FAM13A: variants seen among roughly 807,000 people sequenced by gnomAD.
FAM13A encodes protein FAM13A.
Under a neutral mutation model 129.6 loss-of-function variants are expected in FAM13A, and 76 were observed. The observed-to-expected ratio is 0.59, with a 90% CI of 0.49 to 0.71. The LOEUF is 0.71. Ranked by LOEUF, FAM13A falls within the 30% of genes least tolerant of loss-of-function variation. FAM13A has a pLI of 0.00. For missense variants in FAM13A, 1,108 were observed against 1,249.3 expected, an observed-to-expected ratio of 0.89 and a Z score of 1.70; for synonymous variants, 443 against 449.9, an observed-to-expected ratio of 0.98 and a Z score of 0.20.
chr4:88,829,040 T>C (rs1432555094), intron 7 of FAM13A, among the ~76,000 whole-genome samples: 1 of 152,216 alleles, frequency 6.6e-6, no homozygotes, highest in East Asian at 1.9e-4. Context: ...CATTTGCTCT[T>C]GTCCTATCAA....
chr4:88,753,566 G>T, intron 14 of FAM13A: 1 of 356,110 alleles, frequency 2.8e-6, no homozygotes, highest in Non-Finnish European at 3.9e-6. Flanking sequence ...TAAAAAGTAT[G>T]CATGTAGAAC....
chr4:89,016,200 AAC>A (rs1553923386), intron 3 of FAM13A, among the ~76,000 whole-genome samples: 3 of 150,666 alleles, frequency 2.0e-5, no homozygotes, highest in Non-Finnish European at 4.4e-5. Flanking sequence ...AAAAAAAAAA[AAC>A]ACAATTTTAC....
intron 10 of FAM13A, among the ~76,000 whole-genome samples, chr4:88,783,381 A>T (rs1723334429): frequency 6.6e-6 from 1 of 151,562 alleles, no homozygotes; most frequent in Admixed American, 6.6e-5. Flanking sequence ...CTCACTGCAA[A>T]CTCGACCTCC....
chr4:88,745,321 G>C (rs1256136231), intron 19 of FAM13A, among the ~76,000 whole-genome samples: 1 of 152,162 alleles, frequency 6.6e-6, no homozygotes, highest in Non-Finnish European at 1.5e-5. Flanking sequence ...TTGAATCTGG[G>C]TCTGCCAATT....
intron 3 of FAM13A, among the ~76,000 whole-genome samples, chr4:88,994,396 C>A (rs542089304): frequency 8.5e-5 from 13 of 152,200 alleles, no homozygotes; most frequent in Non-Finnish European, 1.9e-4. Flanking sequence ...TGCAACCCTA[C>A]AAATAAGATT....
intron 5 of FAM13A, among the ~76,000 whole-genome samples, chr4:88,912,563 A>C (rs963895612): frequency 7.8e-5 from 7 of 89,646 alleles, no homozygotes; most frequent in African/African-American, 3.5e-4. Flanking sequence ...CTTTACACAC[A>C]TACATACACA....
chr4:88,979,993 G>T, intron 4 of FAM13A, among the ~76,000 whole-genome samples: 1 of 152,124 alleles, frequency 6.6e-6, no homozygotes, highest in Non-Finnish European at 1.5e-5. Context: ...TTTTCTAATT[G>T]CATTCTAAAT....
intron 4 of FAM13A, among the ~76,000 whole-genome samples, chr4:88,945,848 G>GTA (rs199669630): frequency 0.023 from 2,784 of 122,862 alleles, 123 homozygotes; most frequent in African/African-American, 0.09. Flanking sequence ...GTGTGTGTGT[G>GTA]TATATATATA....
At chr4:88,990,761 G>T in intron 4 of FAM13A, 1 of 421,834 alleles carries the variant, frequency 2.4e-6, no homozygotes. Context: ...TTGATTTATT[G>T]CAAATTATAG....
chr4:88,755,569 A>C (rs1208775185), intron 14 of FAM13A, among the ~76,000 whole-genome samples: 2 of 152,220 alleles, frequency 1.3e-5, no homozygotes, highest in South Asian at 2.1e-4. Context: ...CAAGGATATA[A>C]AACTGACATT....
intron 3 of FAM13A, among the ~76,000 whole-genome samples, chr4:89,002,279 C>T (rs775355791): frequency 2.0e-5 from 3 of 151,894 alleles, no homozygotes; most frequent in Non-Finnish European, 4.4e-5. Flanking sequence ...TGTTTACAAG[C>T]CTGTCAGGCT....
intron 17 of FAM13A, among the ~76,000 whole-genome samples, chr4:88,748,401 T>C (rs150371357): frequency 4.6e-5 from 7 of 152,354 alleles, no homozygotes; most frequent in Non-Finnish European, 1.0e-4. Context: ...CATCAGCCTG[T>C]ATGATGCTCT....
intron 7 of FAM13A, among the ~76,000 whole-genome samples, chr4:88,840,741 T>C (rs6826027): frequency 1 from 151,758 of 152,190 alleles, 75,665 homozygotes; most frequent in Middle Eastern, 1. Context: ...TAGATCTAAA[T>C]CATGCTCATA....
intron 5 of FAM13A, among the ~76,000 whole-genome samples, chr4:88,908,983 A>C (rs1050211797): frequency 6.6e-6 from 1 of 152,222 alleles, no homozygotes; most frequent in Non-Finnish European, 1.5e-5. Flanking sequence ...TAAGCAAATA[A>C]CTGGTGATAA....
At chr4:89,042,026 C>A (rs1182296990) in intron 1 of FAM13A, among the ~76,000 whole-genome samples, 2 of 151,896 alleles carry the variant, frequency 1.3e-5, no homozygotes, top group South Asian at 2.1e-4. Context: ...TGGTAGGGAA[C>A]AAAGTGCTCG....
intron 14 of FAM13A, among the ~76,000 whole-genome samples, chr4:88,754,711 A>G (rs1743284274): frequency 1.3e-5 from 2 of 152,224 alleles, no homozygotes; most frequent in African/African-American, 4.8e-5. Flanking sequence ...TGTTAGTCCT[A>G]TGAAATTGTT....
chr4:89,004,611 C>T (rs547090547), intron 3 of FAM13A, among the ~76,000 whole-genome samples: 1 of 152,216 alleles, frequency 6.6e-6, no homozygotes, highest in South Asian at 2.1e-4. Context: ...TCTTCTGTAA[C>T]TCTTTTGTAA....
chr4:88,762,399 G>C (rs1386102296), intron 13 of FAM13A, among the ~76,000 whole-genome samples: 2 of 152,132 alleles, frequency 1.3e-5, no homozygotes, highest in Non-Finnish European at 2.9e-5. Context: ...CACAATCCTG[G>C]ACACACTAAG....
chr4:88,736,461 T>A (rs1161223006), intron 21 of FAM13A: 1 of 152,146 alleles, frequency 6.6e-6, no homozygotes, highest in African/African-American at 2.4e-5. Flanking sequence ...ACGTAAATGA[T>A]CGCCCCAGGC....
Sources: allele counts gnomAD v4.1 joint callset (sites outside exome capture counted in the v4.1 genomes callset), GRCh38; gene constraint gnomAD v4.1.1; transcripts MANE v1.5; gene names NCBI Gene and HGNC (gene_info 2026-07-23, HGNC 2026-07-21).